SYNE2: variants seen among roughly 807,000 people sequenced by gnomAD.
SYNE2 encodes the protein spectrin repeat containing nuclear envelope protein 2.
SYNE2 carries 431 observed loss-of-function variants against 856.3 expected under a neutral mutation model. The observed-to-expected ratio is 0.50, with a 90% CI of 0.47 to 0.55. The LOEUF (loss-of-function observed/expected upper bound fraction) is 0.55, where lower values mean the gene tolerates loss of function less well. Among genes scored for constraint, SYNE2 ranks in the 20% least tolerant of loss-of-function variants. SYNE2 has a pLI of 0.00. For missense variants in SYNE2, 8,129 were observed against 8,023.2 expected, an observed-to-expected ratio of 1.01 and a Z score of -0.50; for synonymous variants, 2,923 against 2,872.3, an observed-to-expected ratio of 1.02 and a Z score of -0.56.
chr14:63,968,067 G>A (rs541428813), intron 11 of SYNE2, among the ~76,000 whole-genome samples: 19 of 152,144 alleles, frequency 1.2e-4, no homozygotes, highest in Admixed American at 4.6e-4. Context: ...AGAGGCTGAG[G>A]CAGGAGAATC....
intron 2 of SYNE2, among the ~76,000 whole-genome samples, chr14:63,921,185 G>GA (rs35072484): frequency 0.018 from 2,664 of 145,024 alleles, 65 homozygotes; most frequent in African/African-American, 0.06. Flanking sequence ...ACCATTTACT[G>GA]AAAAAAAAAA....
chr14:64,149,962 T>G (rs2098224372), intron 84 of SYNE2, among the ~76,000 whole-genome samples: 1 of 148,972 alleles, frequency 6.7e-6, no homozygotes, highest in South Asian at 2.1e-4. Context: ...CCACCGTGTG[T>G]GGTTGTTCGT....
At chr14:64,152,846 A>G (rs2098255051) in intron 85 of SYNE2, 130 bp downstream of exon 85, 1 of 1,193,574 alleles carries the variant, frequency 8.4e-7, no homozygotes, top group Admixed American at 2.1e-5. Context: ...GCTGAGAAAA[A>G]TTGAAGTAAA....
chr14:63,947,639 C>A (rs917350170), intron 6 of SYNE2, among the ~76,000 whole-genome samples: 1 of 152,014 alleles, frequency 6.6e-6, no homozygotes, highest in African/African-American at 2.4e-5. Context: ...AGTTCGAGAC[C>A]AACCTGACCA....
At chr14:64,136,161 G>A (rs974185480) in intron 78 of SYNE2, among the ~76,000 whole-genome samples, 4 of 151,910 alleles carry the variant, frequency 2.6e-5, no homozygotes, top group South Asian at 4.2e-4. Flanking sequence ...GTGGTGGCAC[G>A]TGCCTATAAT....
At chr14:64,080,784 G>A (rs1459881840) in intron 56 of SYNE2, 146 bp downstream of exon 56, 10 of 982,252 alleles carry the variant, frequency 1.0e-5, no homozygotes, top group Non-Finnish European at 1.6e-5. Flanking sequence ...TTGTGTGGGT[G>A]CTGAGGAGAC....
intron 67 of SYNE2, among the ~76,000 whole-genome samples, chr14:64,120,520 TTGGGAGG>T (rs1275293486): frequency 6.6e-6 from 1 of 152,206 alleles, no homozygotes; most frequent in African/African-American, 2.4e-5. Flanking sequence ...TCCCAGCCCT[TTGGGAGG>T]CTGAGGCAGG....
intron 96 of SYNE2, 66 bp downstream of exon 96, chr14:64,177,549 T>C: frequency 1.9e-6 from 3 of 1,598,870 alleles, no homozygotes; most frequent in Non-Finnish European, 2.6e-6. Context: ...TTGAAGTGCT[T>C]CTTTGCCTCT....
chr14:64,006,827 C>T (rs1419516449), intron 30 of SYNE2, among the ~76,000 whole-genome samples: 1 of 151,940 alleles, frequency 6.6e-6, no homozygotes, highest in Non-Finnish European at 1.5e-5. Flanking sequence ...ACCCTGTTTC[C>T]AGCAAAACAA....
chr14:63,786,960 G>A (rs1595109215), intron 1 of SYNE2, among the ~76,000 whole-genome samples: 1 of 151,958 alleles, frequency 6.6e-6, no homozygotes, highest in Non-Finnish European at 1.5e-5. Flanking sequence ...ACAGGGTTTC[G>A]CCATGTTGCC....
chr14:63,790,048 T>C (rs377427574), intron 1 of SYNE2, among the ~76,000 whole-genome samples: 21 of 152,248 alleles, frequency 1.4e-4, no homozygotes, highest in African/African-American at 4.8e-4. Flanking sequence ...TTTAAGTCAG[T>C]GGTAGAAATT....
At chr14:64,100,514 C>CAAAAAAAAAAAAAAA (rs35489245) in intron 63 of SYNE2, among the ~76,000 whole-genome samples, 1 of 23,764 alleles carries the variant, frequency 4.2e-5, no homozygotes, top group East Asian at 1.1e-3. Context: ...AAAACTGTCT[C>CAAAAAAAAAAAAAAA]AAAAAAAAAA....
At chr14:63,891,988 G>T (rs545304570) in intron 1 of SYNE2, among the ~76,000 whole-genome samples, 1 of 152,252 alleles carries the variant, frequency 6.6e-6, no homozygotes, top group African/African-American at 2.4e-5. Context: ...TTTTTCTCAA[G>T]AAATAGTTTG....
intron 63 of SYNE2, among the ~76,000 whole-genome samples, chr14:64,100,531 A>AAATAT (rs1491537041): frequency 4.3e-4 from 17 of 39,462 alleles, no homozygotes; most frequent in East Asian, 8.9e-4. Flanking sequence ...AAAAAAAAAA[A>AAATAT]ATATATATAT....
At chr14:64,043,439 C>G (rs559754863) in intron 45 of SYNE2, among the ~76,000 whole-genome samples, 1 of 152,166 alleles carries the variant, frequency 6.6e-6, no homozygotes, top group Non-Finnish European at 1.5e-5. Flanking sequence ...GGAAATGTCT[C>G]TAGGGCATGT....
intron 64 of SYNE2, among the ~76,000 whole-genome samples, chr14:64,102,262 A>G (rs1431897578): frequency 6.6e-6 from 1 of 152,128 alleles, no homozygotes; most frequent in Non-Finnish European, 1.5e-5. Flanking sequence ...GATTACAGGC[A>G]CACGTCACCA....
At chr14:63,786,858 G>A (rs1265899585) in intron 1 of SYNE2, among the ~76,000 whole-genome samples, 1 of 152,060 alleles carries the variant, frequency 6.6e-6, no homozygotes, top group Non-Finnish European at 1.5e-5. Flanking sequence ...GGACATCCTG[G>A]GCTCAAGTGA....
At chr14:63,832,932 G>A (rs996304613) in intron 1 of SYNE2, among the ~76,000 whole-genome samples, 3 of 150,824 alleles carry the variant, frequency 2.0e-5, no homozygotes, top group Admixed American at 1.3e-4. Context: ...CCCAGCTCTC[G>A]GGAGGCCCTG....
At chr14:63,973,626 C>A (rs2096499088) in intron 11 of SYNE2, among the ~76,000 whole-genome samples, 4 of 89,990 alleles carry the variant, frequency 4.4e-5, no homozygotes, top group Admixed American at 1.4e-4. Context: ...ACCGAGAGTC[C>A]ATCTCAAAAA....
Sources: allele counts gnomAD v4.1 joint callset (sites outside exome capture counted in the v4.1 genomes callset), GRCh38; gene constraint gnomAD v4.1.1; transcripts MANE v1.5; gene names NCBI Gene and HGNC (gene_info 2026-07-23, HGNC 2026-07-21).